ASPG: variants seen among roughly 807,000 people sequenced by gnomAD.
The protein encoded by ASPG is asparaginase, also known as 60 kDa lysophospholipase.
Under a neutral mutation model 63.2 loss-of-function variants are expected in ASPG, and 53 were observed. That is an observed-to-expected ratio of 0.84 (90% CI 0.67 to 1.05). ASPG has a LOEUF of 1.05. ASPG is among the 50% of genes least tolerant of loss of function. The pLI is 0.00. For synonymous variants in ASPG, 370 were observed against 355.0 expected, an observed-to-expected ratio of 1.04 and a Z score of -0.48; for missense variants, 741 against 794.4, an observed-to-expected ratio of 0.93 and a Z score of 0.81.
At position 104,110,612 on chromosome 14, in the gene ASPG, G is replaced by A. The variant is rs567772756; in HGVS notation, c.1521-890G>A. 1.0e-6 allele frequency: 1 copy of A among 985,268 alleles called. No individual in the cohort carries two copies. Among genetic ancestry groups the A allele is most frequent in the South Asian group, 4.7e-5 (1 of 21,282 alleles). The allele number at this position is 985,268 out of a possible 1,614,324, so 61.0% of individuals were successfully genotyped here. ...GGCCTCTTGGAGCAGGTCCAGGAGGGGCCAGTGAGGCCATCCAGCAGATTC... is the reference window on the plus strand; with the variant it reads ...GGCCTCTTGGAGCAGGTCCAGGAGGAGCCAGTGAGGCCATCCAGCAGATTC... On this transcript the variant is annotated intron_variant, in intron 13 of 15. Coordinates refer to ENST00000551177, the MANE Select transcript of ASPG (RefSeq NM_001080464.3). The surrounding 1 kb of genome is among the most constrained non-coding windows in gnomAD (Gnocchi z 4.7).
chr14:104,099,290 C>G (rs1193488662), intron 6 of ASPG, among the ~76,000 whole-genome samples: 1 of 152,204 alleles, frequency 6.6e-6, no homozygotes, highest in African/African-American at 2.4e-5. Context: ...CTAGGAGGTC[C>G]CCAGTGACCA....
At chr14:104,108,720 C>T in intron 12 of ASPG, 2 of 985,420 alleles carry the variant, frequency 2.0e-6, no homozygotes, top group Non-Finnish European at 2.4e-6. Flanking sequence ...GTCCGGGTGC[C>T]CTGCCCCCAC....
Position 104,103,763 on chromosome 14 carries a change from C to T in ASPG, c.753+88C>T. The T allele has an allele frequency of 3.4e-6, 4 of 1,187,702 alleles. No homozygotes were observed. In the South Asian group the frequency reaches 5.7e-5, roughly 17 times the overall value. The allele number at this position is 1,187,702 out of a possible 1,614,324, so 73.6% of individuals were successfully genotyped here. ...CGGCCCTCAGGCTCCCTGGGGCCCT[C>T]ACCAGCCAGTGCAGACCCCGCGTGG... On this transcript the variant is annotated intron_variant, in intron 7 of 15. Coordinates refer to ENST00000551177, the MANE Select transcript of ASPG (RefSeq NM_001080464.3).
chr14:104,100,500 G>C (rs2036827828), intron 6 of ASPG, among the ~76,000 whole-genome samples: 1 of 152,292 alleles, frequency 6.6e-6, no homozygotes, highest in East Asian at 1.9e-4. Flanking sequence ...CTCCCACAGG[G>C]AGGCACCGAC....
At chr14:104,089,348 T>A (rs1429295324) in intron 1 of ASPG, among the ~76,000 whole-genome samples, 1 of 150,026 alleles carries the variant, frequency 6.7e-6, no homozygotes, top group Non-Finnish European at 1.5e-5. Flanking sequence ...ACCCTGTCTC[T>A]ACTAAAAATA....
chr14:104,097,997 G>C (rs112916991), intron 5 of ASPG, among the ~76,000 whole-genome samples: 65 of 62,292 alleles, frequency 1.0e-3, no homozygotes, highest in Middle Eastern at 8.2e-3. Flanking sequence ...TGGAGGTTCT[G>C]CGTTAGAGAT....
In ASPG at chr14:104,110,971, C is replaced by T; in HGVS notation, c.1521-531C>T. The T allele has an allele frequency of 1.0e-6, 1 of 985,406 alleles. No individual in the cohort carries two copies. The allele number at this position is 985,406 out of a possible 1,614,324, so 61.0% of individuals were successfully genotyped here. A position where few individuals can be genotyped will look rare whatever the true frequency, so the allele number is the denominator to read the frequency against. On this transcript the variant is annotated intron_variant, in intron 13 of 15. Transcript: ENST00000551177. The surrounding 1 kb of genome is among the most constrained non-coding windows in gnomAD (Gnocchi z 4.7). ...CCATGCAGTCTGCCGGGGTCCAGGGCCAACCGTTATCCTGGGTTGCCTCCT... is the reference window on the plus strand; with the variant it reads ...CCATGCAGTCTGCCGGGGTCCAGGGTCAACCGTTATCCTGGGTTGCCTCCT...
chr14:104,095,744 C>T (rs2036570041), intron 4 of ASPG, 88 bp downstream of exon 4: 3 of 1,545,538 alleles, frequency 1.9e-6, no homozygotes, highest in Admixed American at 3.5e-5. Flanking sequence ...CTGCGGGACC[C>T]CGGGCTTCCT....
rs950596874 is a variant in ASPG at position 104,099,411 on chromosome 14, C to T, written c.640+432C>T. 5.3e-5 allele frequency among the ~76,000 whole-genome samples: 8 copies of T among 152,286 alleles called. No homozygotes were observed. In the South Asian group the frequency reaches 1.2e-3, roughly 24 times the overall value. ...CCCAGCCATCCTTGTGGGGCTGACT[C>T]GAGCGATCCTGTGTCCTGAGGCTTC... On this transcript the variant is annotated intron_variant, in intron 6 of 15. Transcript: ENST00000551177.
chr14:104,093,842 G>T (rs978247441), intron 3 of ASPG, among the ~76,000 whole-genome samples: 1 of 145,716 alleles, frequency 6.9e-6, no homozygotes, highest in Non-Finnish European at 1.5e-5. Flanking sequence ...GGGTGGGGCT[G>T]TGGGTGTGGG....
chr14:104,092,013 C>T (rs896281568), intron 1 of ASPG, among the ~76,000 whole-genome samples: 2 of 152,058 alleles, frequency 1.3e-5, no homozygotes, highest in Non-Finnish European at 2.9e-5. Context: ...CGTCTGTGCA[C>T]TTGCTGTGTG....
intron 6 of ASPG, among the ~76,000 whole-genome samples, chr14:104,101,607 T>G (rs995602645): frequency 6.6e-6 from 1 of 151,638 alleles, no homozygotes; most frequent in Non-Finnish European, 1.5e-5. Context: ...CCCGGCCCAC[T>G]CTGCTGGGGC....
rs766100675 is a variant in ASPG, at chr14:104,109,316, G to T, written c.1520+1G>T. 3 of 1,607,914 alleles carry T rather than the reference G, an allele frequency of 1.9e-6. No individual in the cohort carries two copies. The highest frequency in any genetic ancestry group is 2.7e-5 in the African/African-American group (2 of 74,864). The stretch of plus-strand genomic sequence containing the variant: ...AGGAAGCAGGGACGGAGCTGTGCAG[G>T]TGAGTGCAGCTAGAGCACCTGCTCT... On this transcript the variant is annotated splice_donor_variant, in intron 13 of 15. Transcript: ENST00000551177. LOFTEE classifies it high-confidence loss of function. The surrounding 1 kb of genome is among the most constrained non-coding windows in gnomAD (Gnocchi z 4.8).
Position 104,109,675 on chromosome 14 carries a change from G to A in ASPG, c.1520+360G>A, listed in dbSNP as rs2141057578. 6.6e-6 allele frequency among the ~76,000 whole-genome samples: 1 copy of A among 151,686 alleles called. No homozygotes were observed. Among genetic ancestry groups the A allele is most frequent in the Middle Eastern group, 3.4e-3 (1 of 294 alleles). On this transcript the variant is annotated intron_variant, in intron 13 of 15. Coordinates refer to ENST00000551177, the MANE Select transcript of ASPG (RefSeq NM_001080464.3). This position sits in a 1 kb window ranked among gnomAD's most constrained non-coding sequence, Gnocchi z 4.8. ...TGTGAGAGGGGCTGGGGTGTGGACT[G>A]GGGGGTGGCTGGGGCTGCATTTGGG...
In ASPG at chr14:104,103,655, C is replaced by G; in HGVS notation, c.733C>G (p.Pro245Ala). 4 of 1,547,926 alleles carry G rather than the reference C, an allele frequency of 2.6e-6. No individual in the cohort carries two copies. Among genetic ancestry groups the G allele is most frequent in the Non-Finnish European group, 3.5e-6 (4 of 1,146,668 alleles). Residue 245 changes from proline (P) to alanine (A), a missense_variant, in exon 7 of 16, where the codon CCT (proline) becomes GCT (alanine). Pro to Ala is a conservative substitution (Grantham distance 27, BLOSUM62 -1). Coordinates refer to ENST00000551177, the MANE Select transcript of ASPG (RefSeq NM_001080464.3). ...GGACGTGGGCCTGCTGCGCCTCTAC[C>G]CTGGGATCCCTGCCGCCCTGGTAGG... ...EQDVGLLRLY[P>A]GIPAALVRAF... is the part of the protein sequence containing the mutation.
intron 6 of ASPG, among the ~76,000 whole-genome samples, chr14:104,102,560 A>G (rs914130887): frequency 1.3e-5 from 2 of 152,118 alleles, no homozygotes; most frequent in Non-Finnish European, 2.9e-5. Flanking sequence ...TGCCCTGGGC[A>G]GCTCTGACAC....
Position 104,109,945 on chromosome 14 carries a change from GCC to G in ASPG, c.1520+631_1520+632del, listed in dbSNP as rs1311843467. ...GTTGGGGAGACTGAGGCGCAGGGAG[GCC>G]TTCGGCGAGGGTGTCGGTTGTGGGT... is the stretch of plus-strand genomic sequence containing the variant. On this transcript the variant is annotated intron_variant, in intron 13 of 15. Coordinates refer to ENST00000551177, the MANE Select transcript of ASPG (RefSeq NM_001080464.3). The surrounding 1 kb of genome is among the most constrained non-coding windows in gnomAD (Gnocchi z 4.8). 1.4e-4 allele frequency: 134 copies of G among 985,102 alleles called. No individual in the cohort carries two copies. Among genetic ancestry groups the G allele is most frequent in the Non-Finnish European group, 1.6e-4 (129 of 829,820 alleles). The allele number at this position is 985,102 out of a possible 1,614,324, so 61.0% of individuals were successfully genotyped here.
At position 104,109,148 on chromosome 14, in the gene ASPG, T is replaced by C. The variant is rs2037276783; in HGVS notation, c.1434-81T>C. On this transcript the variant is annotated intron_variant, in intron 12 of 15. Transcript: ENST00000551177. This position sits in a 1 kb window ranked among gnomAD's most constrained non-coding sequence, Gnocchi z 4.8. ...GGTCCCCGTCCCTGTGCACAGGACA[T>C]GAGCTCTGCTGGCTCCTGAGTGAGG... 6.4e-7 allele frequency: 1 copy of C among 1,570,232 alleles called. No individual in the cohort carries two copies. The highest frequency in any genetic ancestry group is 1.9e-5 in the Admixed American group (1 of 53,254).
At chr14:104,107,589 G>T (rs569957693) in intron 12 of ASPG, among the ~76,000 whole-genome samples, 1 of 152,178 alleles carries the variant, frequency 6.6e-6, no homozygotes, top group African/African-American at 2.4e-5. Context: ...GGTATGGGGG[G>T]CTGGGGTGGA....
Sources: allele counts gnomAD v4.1 joint callset (sites outside exome capture counted in the v4.1 genomes callset), GRCh38; gene constraint gnomAD v4.1.1; non-coding constraint Gnocchi (gnomAD v3.1); transcripts MANE v1.5; gene names NCBI Gene and HGNC (gene_info 2026-07-23, HGNC 2026-07-21).